CACNA1F: variants seen among roughly 807,000 people sequenced by gnomAD.
CACNA1F encodes voltage-dependent L-type calcium channel subunit alpha-1F.
A neutral mutation model predicts 143.8 loss-of-function variants in CACNA1F; 59 were observed. That is an observed-to-expected ratio of 0.41 (90% CI 0.33 to 0.51). The LOEUF is 0.51. Among genes scored for constraint, CACNA1F ranks in the 20% least tolerant of loss-of-function variants. The probability of loss-of-function intolerance (pLI) is 0.22; values close to 1 mark genes in which losing one functional copy is unlikely to be tolerated. For missense variants in CACNA1F, 1,411 were observed against 1,647.5 expected, an observed-to-expected ratio of 0.86 and a Z score of 2.48; for synonymous variants, 643 against 649.1, an observed-to-expected ratio of 0.99 and a Z score of 0.14.
intron 33 of CACNA1F, 28 bp downstream of exon 33, chrX:49,212,639 T>C (rs372220971): frequency 3.4e-5 from 41 of 1,201,767 alleles, no homozygotes; most frequent in Non-Finnish European, 4.4e-5. Flanking sequence ...GGGCGAGGTA[T>C]GGTCAAAGGG....
rs782497138 is a variant in CACNA1F at position 49,217,574 on chromosome X, T to C, written c.3089+181A>G. Among the ~76,000 whole-genome samples, 5 of 108,112 alleles carry C rather than the reference T, an allele frequency of 4.6e-5. No homozygotes were observed. In the South Asian group the frequency reaches 1.7e-3, roughly 37 times the overall value. The allele number at this position is 108,112 out of a possible 115,157, so 93.9% of individuals were successfully genotyped here. A position where few individuals can be genotyped will look rare whatever the true frequency, so the allele number is the denominator to read the frequency against. ...AGTGGAATGTAGGTCACTTGGGGAATGCGGAGAGGGATTTGGGGGAGGTAT... is the reference window on the plus strand; with the variant it reads ...AGTGGAATGTAGGTCACTTGGGGAACGCGGAGAGGGATTTGGGGGAGGTAT... On this transcript the variant is annotated intron_variant, in intron 26 of 47. Transcript: ENST00000323022.
rs143779164 is a variant in CACNA1F, at chrX:49,220,580, C to T, written c.2335-56G>A. The T allele has an allele frequency of 1.5e-3, 1,380 of 948,258 alleles. 13 individuals are homozygous for T. In the African/African-American group the frequency reaches 0.024, roughly 16 times the overall value. The allele number at this position is 948,258 out of a possible 1,213,427, so 78.1% of individuals were successfully genotyped here. On this transcript the variant is annotated intron_variant, in intron 18 of 47. Coordinates refer to ENST00000323022, the MANE Select transcript of CACNA1F (RefSeq NM_001256789.3). ...GTGAGGGAGACACAGGGAATGGACA[C>T]AGGGGAGGCATGGAAGAAATGTAAT...
At position 49,224,629 on chromosome X, in the gene CACNA1F, C is replaced by T. The variant is rs189344038; in HGVS notation, c.1877+132G>A. 5.3e-3 allele frequency: 2,815 copies of T among 526,811 alleles called. 9 individuals carry two copies. Among genetic ancestry groups the T allele is most frequent in the Middle Eastern group, 0.013 (25 of 1,991 alleles). 43.4% of individuals were successfully genotyped at this position (526,811 alleles called of 1,213,427 possible). ...GTTTCCCTAGGGCTTGGTAGGGTGC[C>T]TGGCACACAGCAGGCACTCAATGGA... On this transcript the variant is annotated intron_variant, in intron 14 of 47. Coordinates refer to ENST00000323022, the MANE Select transcript of CACNA1F (RefSeq NM_001256789.3).
chrX:49,209,496 C>T (rs1481226435), intron 41 of CACNA1F, 103 bp from the exon 42 acceptor site: 1 of 1,127,507 alleles, frequency 8.9e-7, no homozygotes, highest in Non-Finnish European at 1.2e-6. Context: ...CTTCAGCCAC[C>T]CTGGCCCTCC....
At chrX:49,220,734 C>T (rs1230781014) in intron 18 of CACNA1F, among the ~76,000 whole-genome samples, 4 of 112,197 alleles carry the variant, frequency 3.6e-5, no homozygotes, top group Non-Finnish European at 5.6e-5. Flanking sequence ...GTCAGGAGTT[C>T]GAGACCAGCC....
intron 20 of CACNA1F, 70 bp from the exon 21 acceptor site, chrX:49,219,520 A>C: frequency 1.7e-6 from 2 of 1,183,213 alleles, no homozygotes; most frequent in Non-Finnish European, 2.3e-6. Context: ...CAAGGGATAC[A>C]GTTCTGGCCC....
At chrX:49,220,945 AAAC>A (rs1569528279) in intron 18 of CACNA1F, 87 bp downstream of exon 18, 3 of 813,103 alleles carry the variant, frequency 3.7e-6, no homozygotes, top group African/African-American at 2.0e-5. Context: ...TCTCAAAATA[AAAC>A]AACAACAACA....
intron 4 of CACNA1F, 118 bp from the exon 5 acceptor site, chrX:49,230,727 A>G (rs1266458504): frequency 9.3e-7 from 1 of 1,080,961 alleles, no homozygotes; most frequent in Non-Finnish European, 1.2e-6. Flanking sequence ...GGGTTTTAAT[A>G]ATATTCCTGA....
rs190495513 is a variant in CACNA1F at position 49,221,086 on chromosome X, C to T, written c.2289-6G>A. On this transcript the variant is annotated splice_polypyrimidine_tract_variant and splice_region_variant and intron_variant, in intron 17 of 47. Transcript: ENST00000323022. ...CCTTCTCATTGCTCTTCTCCCTGTG[C>T]GAGGAAATAGGGGTGATTGCTGCAG... 96 of 1,202,296 alleles carry T rather than the reference C, an allele frequency of 8.0e-5. No individual in the cohort carries two copies. The highest frequency in any genetic ancestry group is 1.8e-4 in the East Asian group (6 of 33,740).
chrX:49,213,839 T>C lies in CACNA1F; in HGVS notation c.3772A>G (p.Ile1258Val). 1.7e-6 allele frequency: 2 copies of C among 1,199,526 alleles called. No individual in the cohort carries two copies. The highest frequency in any genetic ancestry group is 2.3e-6 in the Non-Finnish European group (2 of 884,354). Reference sequence around the variant, plus strand: ...CTCACATTGACTTCAGTGACGGCAATATCCACTATGCTGCCCACCACAATA... The same window carrying C: ...CTCACATTGACTTCAGTGACGGCAACATCCACTATGCTGCCCACCACAATA... ...ALIVVGSIVDIAVTEVNNGGH... is the reference protein window; with the variant it reads ...ALIVVGSIVDVAVTEVNNGGH... Residue 1258 changes from isoleucine (I) to valine (V), a missense_variant, in exon 31 of 48, where the codon ATT becomes GTT. Ile to Val is a conservative substitution (Grantham distance 29). Transcript: ENST00000323022.
At chrX:49,208,297 T>C (rs1454470634) in intron 43 of CACNA1F, among the ~76,000 whole-genome samples, 2 of 111,733 alleles carry the variant, frequency 1.8e-5, no homozygotes, top group Non-Finnish European at 3.8e-5. Context: ...AATGTGCTTT[T>C]TGCATTAAAC....
chrX:49,216,512 A>G lies in CACNA1F; in HGVS notation c.3106T>C (p.Tyr1036His), dbSNP rs1557107464. 1.7e-6 allele frequency: 2 copies of G among 1,204,554 alleles called. No individual in the cohort carries two copies. Among genetic ancestry groups the G allele is most frequent in the Non-Finnish European group, 1.1e-6 (1 of 891,564 alleles). Residue 1036 changes from tyrosine to histidine, a missense_variant, in exon 27 of 48, where the codon TAC becomes CAC. Transcript: ENST00000323022. Reference protein sequence around the residue: ...PQECKGSFLVYPDGDVSRPLV... With the variant: ...PQECKGSFLVHPDGDVSRPLV... ...GGCCGTGACACGTCTCCATCTGGGTATACCAGGAAGGAGCCCCTGTGGATG... is the reference window on the plus strand; with the variant it reads ...GGCCGTGACACGTCTCCATCTGGGTGTACCAGGAAGGAGCCCCTGTGGATG...
intron 34 of CACNA1F, 36 bp downstream of exon 34, chrX:49,212,207 A>C (rs782261209): frequency 2.4e-5 from 27 of 1,120,026 alleles, no homozygotes; most frequent in Non-Finnish European, 3.2e-5. Context: ...CCAGCAGAGG[A>C]GTGCTTAAGG....
chrX:49,209,799 C>G, intron 40 of CACNA1F, 40 bp from the exon 41 acceptor site: 1 of 1,206,331 alleles, frequency 8.3e-7, no homozygotes. Flanking sequence ...CACAGGGGCC[C>G]TCTGACCCAG....
chrX:49,209,842 G>A, intron 40 of CACNA1F, 83 bp from the exon 41 acceptor site: 1 of 1,159,045 alleles, frequency 8.6e-7, no homozygotes, highest in Non-Finnish European at 1.2e-6. Flanking sequence ...CACCAGCATG[G>A]ACTTCCCCTC....
At chrX:49,226,371 C>T in intron 11 of CACNA1F, 38 bp downstream of exon 11, 1 of 1,155,364 alleles carries the variant, frequency 8.7e-7, no homozygotes, top group Middle Eastern at 2.5e-4. Flanking sequence ...AGGGTTTGGA[C>T]TGGCTTCTGG....
chrX:49,225,515 GTGA>G (rs2065814952), intron 13 of CACNA1F, among the ~76,000 whole-genome samples: 1 of 111,109 alleles, frequency 9.0e-6, no homozygotes, highest in Non-Finnish European at 1.9e-5. Flanking sequence ...TCCAGACAGT[GTGA>G]TGATAAGAGC....
intron 38 of CACNA1F, 65 bp downstream of exon 38, chrX:49,210,525 C>T (rs2065646663): frequency 9.2e-7 from 1 of 1,082,067 alleles, no homozygotes; most frequent in Admixed American, 2.3e-5. Context: ...AGGCAGATCC[C>T]TTCCCACCCT....
Position 49,205,092 on chromosome X carries a change from G to C in CACNA1F, c.*45C>G, listed in dbSNP as rs2065577762. 2.1e-6 allele frequency: 2 copies of C among 958,306 alleles called. No homozygotes were observed. The highest frequency in any genetic ancestry group is 6.2e-5 in the East Asian group (2 of 32,247). The allele number at this position is 958,306 out of a possible 1,213,427, so 79.0% of individuals were successfully genotyped here. On this transcript the variant is annotated 3_prime_UTR_variant, in exon 48 of 48. Transcript: ENST00000323022. ...GTCCATGCCTGCCTCCTGCTGGGGA[G>C]GGGAGGGCAGGAGGTTTATTGAGCA...
Sources: allele counts gnomAD v4.1 joint callset (sites outside exome capture counted in the v4.1 genomes callset), GRCh38; gene constraint gnomAD v4.1.1; transcripts MANE v1.5; gene names NCBI Gene and HGNC (gene_info 2026-07-23, HGNC 2026-07-21).